Variants in TLK2 observed in about 807,000 individuals in gnomAD.
The protein encoded by TLK2 is tousled like kinase 2.
A neutral mutation model predicts 117.3 loss-of-function variants in TLK2; 6 were observed. The ratio of observed to expected loss-of-function variants is 0.05; its 90% confidence interval spans 0.03 to 0.10. The LOEUF (loss-of-function observed/expected upper bound fraction) is 0.10. Ranked by LOEUF, TLK2 falls within the 10% of genes least tolerant of loss-of-function variation. The pLI, the probability that TLK2 is intolerant of heterozygous loss-of-function variation, is 1.00. For missense variants in TLK2, 299 were observed against 901.2 expected (o/e 0.33, Z 8.56); for synonymous variants, 257 against 316.7 (o/e 0.81, Z 2.00).
At chr17:62,511,646 A>G (rs1018303229) in intron 2 of TLK2, among the ~76,000 whole-genome samples, 1 of 152,236 alleles carries the variant, frequency 6.6e-6, no homozygotes, top group Non-Finnish European at 1.5e-5. Context: ...CTAGAATTAC[A>G]GGTGTGAGCC....
intron 2 of TLK2, chr17:62,516,280 T>G (rs1477942775): frequency 3.6e-6 from 3 of 830,852 alleles, no homozygotes; most frequent in East Asian, 2.7e-5. Flanking sequence ...TTTTTTTTTT[T>G]GGCTGTAAAT....
In TLK2 at chr17:62,515,660, A is replaced by T. The variant is rs537957422; in HGVS notation, c.82-5113A>T. Among the ~76,000 whole-genome samples the T allele has an allele frequency of 2.0e-5, 3 of 151,764 alleles. No homozygotes were observed. The East Asian group carries it at 5.8e-4, about 29-fold the overall frequency. ...AAATATCTGTTCAAGTCCTTTGCCC[A>T]TTTTTTCATTGGGTTGTTTATTTTG... On this transcript the variant is annotated intron_variant, in intron 2 of 21. Coordinates refer to ENST00000346027, the MANE Select transcript of TLK2 (RefSeq NM_006852.6).
intron 17 of TLK2, among the ~76,000 whole-genome samples, chr17:62,596,885 C>G (rs990768127): frequency 6.6e-6 from 1 of 152,218 alleles, no homozygotes; most frequent in Admixed American, 6.5e-5. Flanking sequence ...AAATGTTTAA[C>G]AGCCAGCTTG....
chr17:62,483,833 GT>G (rs899865122), intron 2 of TLK2, among the ~76,000 whole-genome samples: 17 of 145,348 alleles, frequency 1.2e-4, no homozygotes, highest in African/African-American at 3.8e-4. Context: ...TCCATTAGTT[GT>G]TTTTTTTTTG....
chr17:62,499,302 C>G (rs2073985722), intron 2 of TLK2, among the ~76,000 whole-genome samples: 1 of 151,526 alleles, frequency 6.6e-6, no homozygotes, highest in African/African-American at 2.4e-5. Context: ...CTTCTACATT[C>G]CAGCCTGGGT....
At chr17:62,581,177 A>T (rs889707691) in intron 15 of TLK2, among the ~76,000 whole-genome samples, 16 of 151,792 alleles carry the variant, frequency 1.1e-4, no homozygotes, top group African/African-American at 3.4e-4. Context: ...TAATTTTTAA[A>T]TTTTTTCTAG....
chr17:62,472,328 G>C (rs1206661948), intron 1 of TLK2, among the ~76,000 whole-genome samples: 1 of 152,168 alleles, frequency 6.6e-6, no homozygotes, highest in East Asian at 1.9e-4. Flanking sequence ...AGTAAGCAGC[G>C]CCTGTCTGTG....
intron 3 of TLK2, among the ~76,000 whole-genome samples, chr17:62,521,511 C>T (rs1202395061): frequency 6.6e-6 from 1 of 152,122 alleles, no homozygotes; most frequent in Admixed American, 6.5e-5. Context: ...CTCAAGCAGT[C>T]CTCCTGTCTC....
intron 5 of TLK2, 124 bp from the exon 6 acceptor site, chr17:62,524,108 AGAGT>A (rs2076222893): frequency 1.8e-6 from 1 of 558,576 alleles, no homozygotes; most frequent in African/African-American, 2.0e-5. Flanking sequence ...TTTTCTCTCT[AGAGT>A]AAGATGTGTT....
chr17:62,482,623 T>G (rs1284071793), intron 2 of TLK2, among the ~76,000 whole-genome samples: 8 of 151,496 alleles, frequency 5.3e-5, no homozygotes, highest in Admixed American at 5.3e-4. Context: ...TTAATTTTTT[T>G]TATTTTTAGT....
chr17:62,579,296 A>G (rs995115053), intron 14 of TLK2, among the ~76,000 whole-genome samples: 1 of 152,178 alleles, frequency 6.6e-6, no homozygotes, highest in African/African-American at 2.4e-5. Flanking sequence ...TTTAATCCGC[A>G]GGATAACCCA....
At chr17:62,609,644 G>A (rs1403742418) in intron 21 of TLK2, among the ~76,000 whole-genome samples, 3 of 152,216 alleles carry the variant, frequency 2.0e-5, no homozygotes, top group African/African-American at 7.2e-5. Flanking sequence ...TAAGGCAAAT[G>A]CTGATTTCCT....
chr17:62,471,162 G>A (rs1420676231), intron 1 of TLK2: 1 of 152,224 alleles, frequency 6.6e-6, no homozygotes, highest in African/African-American at 2.4e-5. Flanking sequence ...ATCAGGATTT[G>A]AGCTCAGATA....
chr17:62,605,882 C>G (rs1239263060), intron 19 of TLK2, among the ~76,000 whole-genome samples: 3 of 151,284 alleles, frequency 2.0e-5, no homozygotes, highest in Non-Finnish European at 4.4e-5. Context: ...TGGTGCCTGC[C>G]TTTAATCCCA....
At chr17:62,501,233 G>A (rs553891884) in intron 2 of TLK2, among the ~76,000 whole-genome samples, 4 of 151,802 alleles carry the variant, frequency 2.6e-5, no homozygotes, top group Admixed American at 6.6e-5. Flanking sequence ...GCAAGACTCC[G>A]TCTCAAAAGA....
chr17:62,582,631 G>A (rs1047306424), intron 15 of TLK2, among the ~76,000 whole-genome samples: 23 of 151,584 alleles, frequency 1.5e-4, no homozygotes, highest in African/African-American at 5.6e-4. Context: ...TATTTTCTTT[G>A]TAATTTTTTA....
intron 2 of TLK2, among the ~76,000 whole-genome samples, chr17:62,487,619 T>TG (rs1302229901): frequency 0.058 from 4,904 of 84,426 alleles, 221 homozygotes; most frequent in South Asian, 0.33. Context: ...TTGGCAAGTA[T>TG]CTTTTTTTTT....
intron 2 of TLK2, among the ~76,000 whole-genome samples, chr17:62,518,196 G>A (rs2075768904): frequency 6.6e-6 from 1 of 152,120 alleles, no homozygotes; most frequent in African/African-American, 2.4e-5. Flanking sequence ...TTGCAACCTC[G>A]GGCATAAATG....
chr17:62,506,848 A>G (rs2074734976), intron 2 of TLK2, among the ~76,000 whole-genome samples: 2 of 152,196 alleles, frequency 1.3e-5, no homozygotes, highest in Non-Finnish European at 2.9e-5. Flanking sequence ...GTAGTTGCAT[A>G]TGGCTAGTGC....
Sources: allele counts gnomAD v4.1 joint callset (sites outside exome capture counted in the v4.1 genomes callset), GRCh38; gene constraint gnomAD v4.1.1; transcripts MANE v1.5; gene names NCBI Gene and HGNC (gene_info 2026-07-23, HGNC 2026-07-21).